ZNF644: variants seen among roughly 807,000 people sequenced by gnomAD.
ZNF644 encodes the protein zinc finger protein 644, also known as zinc finger motif enhancer binding protein 2.
A neutral mutation model predicts 108.0 loss-of-function variants in ZNF644; 20 were observed. The ratio of observed to expected loss-of-function variants is 0.19; its 90% CI spans 0.13 to 0.27. The LOEUF (loss-of-function observed/expected upper bound fraction) is 0.27. ZNF644 is among the 10% of genes least tolerant of loss of function. The pLI, the probability that ZNF644 is intolerant of heterozygous loss-of-function variation, is 1.00. For synonymous variants in ZNF644, 542 were observed against 539.1 expected (o/e 1.01, Z -0.08); for missense variants, 1,338 against 1,548.9 (o/e 0.86, Z 2.29).
chr1:90,999,033 T>C (rs569238815), intron 1 of ZNF644, among the ~76,000 whole-genome samples: 1 of 152,298 alleles, frequency 6.6e-6, no homozygotes, highest in African/African-American at 2.4e-5. Context: ...TCAGGAAATA[T>C]GGGACTATGT....
At chr1:90,958,542 G>A (rs541109003) in intron 2 of ZNF644, among the ~76,000 whole-genome samples, 4 of 151,784 alleles carry the variant, frequency 2.6e-5, no homozygotes, top group African/African-American at 9.7e-5. Flanking sequence ...AGAAAAAGAA[G>A]GAGTACTCAC....
intron 4 of ZNF644, among the ~76,000 whole-genome samples, chr1:90,926,909 T>C (rs1253524660): frequency 6.6e-6 from 1 of 152,158 alleles, no homozygotes; most frequent in Non-Finnish European, 1.5e-5. Context: ...ATTCAAATAG[T>C]TCCCCACTAC....
intron 2 of ZNF644, chr1:90,973,054 A>G (rs1655656850): frequency 6.6e-6 from 1 of 152,090 alleles, no homozygotes; most frequent in Non-Finnish European, 1.5e-5. Flanking sequence ...ATAAATGTAT[A>G]TAGGAACACT....
In ZNF644 at chr1:90,937,675, A is replaced by T; in HGVS notation, c.3498T>A (p.Asn1166Lys). ...GAAGTTCTATGAGTGTAAGAGACTG[A>T]TTCTTTTTCCCACTGGGCAGTTCTG... ...TKPELPSGKK[N>K]QSLTLIELLK... Residue 1166 changes from asparagine (N) to lysine (K), a missense_variant, in exon 4 of 6, where the codon AAT becomes AAA. Around this residue, in one of 6 missense-constraint regions of ZNF644, gnomAD observed 287 missense variants for 310.9 expected, o/e 0.92. Coordinates refer to ENST00000337393, the MANE Select transcript of ZNF644 (RefSeq NM_201269.3). 6.2e-7 allele frequency: 1 copy of T among 1,613,898 alleles called. No individual in the cohort carries two copies. Among genetic ancestry groups the T allele is most frequent in the Non-Finnish European group, 8.5e-7 (1 of 1,179,882 alleles).
intron 1 of ZNF644, among the ~76,000 whole-genome samples, chr1:91,001,224 C>A (rs1275437917): frequency 1.3e-5 from 2 of 151,710 alleles, no homozygotes; most frequent in African/African-American, 2.4e-5. Context: ...CTGGCAGAGA[C>A]ACAACAAAAA....
chr1:91,016,693 A>T (rs1660465740), intron 1 of ZNF644, among the ~76,000 whole-genome samples: 1 of 152,242 alleles, frequency 6.6e-6, no homozygotes, highest in Non-Finnish European at 1.5e-5. Context: ...CTTTTCAAAA[A>T]ATTAGATAAA....
intron 2 of ZNF644, among the ~76,000 whole-genome samples, chr1:90,966,747 CAAA>C (rs67549954): frequency 1.1e-3 from 81 of 73,888 alleles, no homozygotes; most frequent in African/African-American, 3.7e-3. Flanking sequence ...GACTCAGTCT[CAAA>C]AAAAAAAAAA....
At chr1:91,008,439 G>T (rs1659644336) in intron 1 of ZNF644, among the ~76,000 whole-genome samples, 2 of 152,112 alleles carry the variant, frequency 1.3e-5, no homozygotes, top group Admixed American at 1.3e-4. Flanking sequence ...ACAAACAAAT[G>T]GAGGTAGGGC....
intron 2 of ZNF644, among the ~76,000 whole-genome samples, chr1:90,951,444 T>C (rs916373880): frequency 3.3e-5 from 5 of 152,220 alleles, no homozygotes; most frequent in Non-Finnish European, 5.9e-5. Context: ...TTGTTTTTAC[T>C]ATTCTTGAAT....
chr1:90,967,985 T>C (rs1206224991), intron 2 of ZNF644, among the ~76,000 whole-genome samples: 1 of 135,474 alleles, frequency 7.4e-6, no homozygotes, highest in Non-Finnish European at 1.5e-5. Flanking sequence ...TGCTTGAATC[T>C]GGGAGGCGGA....
chr1:90,964,507 T>C (rs891752365), intron 2 of ZNF644, among the ~76,000 whole-genome samples: 13 of 152,148 alleles, frequency 8.5e-5, no homozygotes, highest in Non-Finnish European at 1.9e-4. Flanking sequence ...CAATTAATAT[T>C]TTATTTACAG....
chr1:91,015,670 T>C (rs996823914), intron 1 of ZNF644, among the ~76,000 whole-genome samples: 10 of 152,308 alleles, frequency 6.6e-5, no homozygotes, highest in Admixed American at 5.2e-4. Context: ...ATATTTAACC[T>C]GGTTATAAGA....
chr1:90,916,788 T>G lies in ZNF644; in HGVS notation c.*10A>C. ...CAATTCAAACTGGCTATTTAAAAGG[T>G]TTCCTGGTTCTATGAAGCTGCTTCG... is the stretch of plus-strand genomic sequence containing the variant. On this transcript the variant is annotated 3_prime_UTR_variant, in exon 6 of 6. Coordinates refer to ENST00000337393, the MANE Select transcript of ZNF644 (RefSeq NM_201269.3). 6.2e-7 allele frequency: 1 copy of G among 1,613,910 alleles called. No homozygotes were observed. Among genetic ancestry groups the G allele is most frequent in the Non-Finnish European group, 8.5e-7 (1 of 1,179,974 alleles).
rs776642812 is a variant in ZNF644 at position 90,939,012 on chromosome 1, G to A, written c.2342C>T (p.Ser781Phe). The A allele has an allele frequency of 5.1e-5, 82 of 1,613,872 alleles. No homozygotes were observed. Among genetic ancestry groups the A allele is most frequent in the Non-Finnish European group, 6.4e-5 (76 of 1,179,930 alleles). ...SLHLFSSSSN[S>F]HNNFISDPHK... ...AGGGTCTGAAATAAAATTGTTGTGAGAATTACTTGATGATGAAAACAGGTG... is the reference window on the plus strand; with the variant it reads ...AGGGTCTGAAATAAAATTGTTGTGAAAATTACTTGATGATGAAAACAGGTG... The change falls in exon 3 of 6, where the codon TCT (serine) becomes TTT (phenylalanine). Residue 781 changes from serine (S) to phenylalanine (F), a missense_variant. Ser to Phe is a radical substitution (Grantham distance 155). Coordinates refer to ENST00000337393, the MANE Select transcript of ZNF644 (RefSeq NM_201269.3).
At chr1:90,926,617 C>A (rs1650070076) in intron 4 of ZNF644, among the ~76,000 whole-genome samples, 1 of 152,184 alleles carries the variant, frequency 6.6e-6, no homozygotes, top group Admixed American at 6.5e-5. Context: ...GAAGCCTGCC[C>A]TTCTACCAGA....
intron 2 of ZNF644, among the ~76,000 whole-genome samples, chr1:90,950,314 GAAAAGAAAAC>G (rs1166984187): frequency 6.1e-5 from 5 of 82,402 alleles, no homozygotes; most frequent in South Asian, 6.2e-4. Flanking sequence ...GGGGACAAAA[GAAAAGAAAAC>G]AAAAGAAAAG....
chr1:90,969,392 C>T (rs567045908), intron 2 of ZNF644, among the ~76,000 whole-genome samples: 12 of 152,202 alleles, frequency 7.9e-5, no homozygotes, highest in Non-Finnish European at 1.8e-4. Flanking sequence ...GTTTAGGCTA[C>T]CCAGTCTGTG....
chr1:91,007,892 T>C lies in ZNF644; in HGVS notation c.-18+14098A>G, dbSNP rs547970297. ...ATGTTTGGTGATCCTTAATCTCATA[T>C]TTAAGATTGAGGCACTTAAAAGTTG... On this transcript the variant is annotated intron_variant, in intron 1 of 5. Transcript: ENST00000337393. Among the ~76,000 whole-genome samples, 33 of 152,346 alleles carry C rather than the reference T, an allele frequency of 2.2e-4. 1 individual carries two copies. In the South Asian group the frequency reaches 6.2e-3, roughly 29 times the overall value.
At chr1:91,012,699 C>T (rs1446873662) in intron 1 of ZNF644, among the ~76,000 whole-genome samples, 4 of 152,090 alleles carry the variant, frequency 2.6e-5, no homozygotes, top group African/African-American at 9.7e-5. Context: ...CCACAATTCT[C>T]ATGTCTGTGC....
Sources: allele counts gnomAD v4.1 joint callset (sites outside exome capture counted in the v4.1 genomes callset), GRCh38; gene constraint gnomAD v4.1.1; regional missense constraint gnomAD v4.1.1; transcripts MANE v1.5; gene names NCBI Gene and HGNC (gene_info 2026-07-23, HGNC 2026-07-21).